Variants in TMC1 observed in about 807,000 individuals in gnomAD.
The protein encoded by TMC1 is transmembrane channel like 1, also known as transmembrane channel-like protein 1.
A neutral mutation model predicts 105.8 loss-of-function variants in TMC1; 84 were observed. The observed-to-expected ratio is 0.79, with a 90% CI of 0.67 to 0.95. The LOEUF is 0.95. TMC1 is among the 40% of genes least tolerant of loss of function. The probability of loss-of-function intolerance (pLI) is 0.00; values close to 1 mark genes in which losing one functional copy is unlikely to be tolerated. For missense variants in TMC1, 817 were observed against 914.1 expected, an observed-to-expected ratio of 0.89 and a Z score of 1.37; for synonymous variants, 315 against 311.5, an observed-to-expected ratio of 1.01 and a Z score of -0.12.
intron 8 of TMC1, among the ~76,000 whole-genome samples, chr9:72,716,896 G>A (rs1305048184): frequency 6.6e-6 from 1 of 152,180 alleles, no homozygotes; most frequent in Non-Finnish European, 1.5e-5. Context: ...GGGCCCTGGT[G>A]GCGTGGGAAC....
intron 5 of TMC1, among the ~76,000 whole-genome samples, chr9:72,652,473 T>G (rs1825828386): frequency 6.6e-6 from 1 of 151,708 alleles, no homozygotes; most frequent in Admixed American, 6.6e-5. Context: ...TGGAGGAGGA[T>G]AAGCCCATGG....
At chr9:72,750,551 T>C (rs973681019) in intron 10 of TMC1, among the ~76,000 whole-genome samples, 3 of 151,664 alleles carry the variant, frequency 2.0e-5, no homozygotes, top group Non-Finnish European at 4.4e-5. Flanking sequence ...TGCTTTTTTT[T>C]TCTCTCTCTC....
rs1400156561 is a variant in TMC1 at position 72,838,137 on chromosome 9, A to G, written c.*2164A>G. 1 of 152,216 alleles carries G rather than the reference A, an allele frequency of 6.6e-6. No homozygotes were observed. Among genetic ancestry groups the G allele is most frequent in the African/African-American group, 2.4e-5 (1 of 41,458 alleles). The allele number at this position is 152,216 out of a possible 1,614,324, so 9.4% of individuals were successfully genotyped here. On this transcript the variant is annotated 3_prime_UTR_variant, in exon 24 of 24. Transcript: ENST00000297784. ...TTGCTAATTAAATTGAATCAATTTA[A>G]CTTACAGCAATTGTGTTATGAGACA...
At chr9:72,685,873 A>C (rs1428243103) in intron 5 of TMC1, among the ~76,000 whole-genome samples, 2 of 152,194 alleles carry the variant, frequency 1.3e-5, no homozygotes, top group African/African-American at 4.8e-5. Context: ...TGGGTCAGAG[A>C]AAAAGGCAAT....
At chr9:72,743,231 G>A (rs1274860454) in intron 10 of TMC1, among the ~76,000 whole-genome samples, 1 of 150,848 alleles carries the variant, frequency 6.6e-6, no homozygotes, top group African/African-American at 2.4e-5. Context: ...GCCGGGCGTA[G>A]TGGCGGGCGC....
chr9:72,795,561 A>T (rs777140203), intron 17 of TMC1, among the ~76,000 whole-genome samples: 3 of 152,182 alleles, frequency 2.0e-5, no homozygotes, highest in Non-Finnish European at 4.4e-5. Context: ...TTCCTAAGCA[A>T]AGGAGAAATA....
intron 5 of TMC1, among the ~76,000 whole-genome samples, chr9:72,659,356 C>T (rs893851355): frequency 2.0e-5 from 3 of 152,042 alleles, no homozygotes; most frequent in Non-Finnish European, 4.4e-5. Flanking sequence ...GAGTTTGGGC[C>T]GGGAGTGGTG....
chr9:72,693,305 TAATAAAAC>T (rs1826498882), intron 6 of TMC1, among the ~76,000 whole-genome samples: 1 of 152,002 alleles, frequency 6.6e-6, no homozygotes, highest in African/African-American at 2.4e-5. Context: ...CATATTTAAC[TAATAAAAC>T]AACTTGTGAG....
chr9:72,723,876 A>G (rs573053031), intron 8 of TMC1, among the ~76,000 whole-genome samples: 2 of 152,266 alleles, frequency 1.3e-5, no homozygotes, highest in African/African-American at 4.8e-5. Context: ...TCTCTGCCTT[A>G]GTTTGGCAGG....
In TMC1 at chr9:72,804,413, A is replaced by G. The variant is rs1051362944; in HGVS notation, c.1567-969A>G. Among the ~76,000 whole-genome samples, 53 of 152,246 alleles carry G rather than the reference A, an allele frequency of 3.5e-4. 1 individual carries two copies. Among genetic ancestry groups the G allele is most frequent in the Non-Finnish European group, 1.6e-4 (11 of 68,034 alleles). On this transcript the variant is annotated intron_variant, in intron 17 of 23. Transcript: ENST00000297784. ...GAAGACATAAAAAATTTAAAAAAATACACAATTCAATGGTTTCTAATATAT... is the reference window on the plus strand; with the variant it reads ...GAAGACATAAAAAATTTAAAAAAATGCACAATTCAATGGTTTCTAATATAT...
At chr9:72,570,985 G>A (rs923081689) in intron 1 of TMC1, among the ~76,000 whole-genome samples, 1 of 147,838 alleles carries the variant, frequency 6.8e-6, no homozygotes, top group African/African-American at 2.5e-5. Context: ...CACCGCACCC[G>A]ACCAAATCTC....
intron 3 of TMC1, among the ~76,000 whole-genome samples, chr9:72,617,271 C>T (rs377597738): frequency 7.2e-5 from 11 of 152,158 alleles, no homozygotes; most frequent in East Asian, 5.8e-4. Context: ...AAATGATTCT[C>T]CTGCTTCAGC....
intron 3 of TMC1, among the ~76,000 whole-genome samples, chr9:72,621,379 A>G (rs1158255636): frequency 6.6e-6 from 1 of 152,174 alleles, no homozygotes; most frequent in Admixed American, 6.5e-5. Context: ...CCTGGGAGTT[A>G]GTGTCTTACA....
intron 4 of TMC1, chr9:72,628,426 A>G (rs940307281): frequency 5.1e-5 from 10 of 195,488 alleles, no homozygotes; most frequent in Non-Finnish European, 6.4e-5. Flanking sequence ...GAAGGCACAC[A>G]TGAATCATGG....
At chr9:72,610,935 G>A (rs1017520862) in intron 2 of TMC1, among the ~76,000 whole-genome samples, 40 of 152,306 alleles carry the variant, frequency 2.6e-4, no homozygotes, top group African/African-American at 8.7e-4. Context: ...CATCCAGAGT[G>A]GTGGTATCGA....
In TMC1 at chr9:72,836,191, G is replaced by A. The variant is rs949687257; in HGVS notation, c.*218G>A. 6.3e-6 allele frequency: 4 copies of A among 638,304 alleles called. No homozygotes were observed. Among genetic ancestry groups the A allele is most frequent in the African/African-American group, 1.8e-5 (1 of 54,206 alleles). 39.5% of individuals were successfully genotyped at this position (638,304 alleles called of 1,614,324 possible). On this transcript the variant is annotated 3_prime_UTR_variant, in exon 24 of 24. Transcript: ENST00000297784. Reference sequence around the variant, plus strand: ...CCAAGTCAGAAACTGTTTCTGCAGAGCCACTCTCTCCCCTGCTCCATTTCG... The same window carrying A: ...CCAAGTCAGAAACTGTTTCTGCAGAACCACTCTCTCCCCTGCTCCATTTCG...
At chr9:72,631,914 T>C (rs983684901) in intron 4 of TMC1, among the ~76,000 whole-genome samples, 1 of 152,066 alleles carries the variant, frequency 6.6e-6, no homozygotes, top group Non-Finnish European at 1.5e-5. Flanking sequence ...CAGGGTGAGA[T>C]GGAAATAGAT....
chr9:72,590,055 T>C (rs181196642), intron 2 of TMC1, among the ~76,000 whole-genome samples: 124 of 152,338 alleles, frequency 8.1e-4, no homozygotes, highest in African/African-American at 2.9e-3. Context: ...CTCTCCTCCT[T>C]GTCCCCAGGC....
intron 6 of TMC1, among the ~76,000 whole-genome samples, chr9:72,690,421 A>G (rs1826445464): frequency 6.6e-6 from 1 of 152,078 alleles, no homozygotes; most frequent in Non-Finnish European, 1.5e-5. Flanking sequence ...TACCTTTACC[A>G]GACAGTTTTA....
Sources: allele counts gnomAD v4.1 joint callset (sites outside exome capture counted in the v4.1 genomes callset), GRCh38; gene constraint gnomAD v4.1.1; transcripts MANE v1.5; gene names NCBI Gene and HGNC (gene_info 2026-07-23, HGNC 2026-07-21).